DYNC1H1: variants seen among roughly 807,000 people sequenced by gnomAD.
DYNC1H1 encodes the protein dynein cytoplasmic 1 heavy chain 1.
Under a neutral mutation model 527.1 loss-of-function variants are expected in DYNC1H1, and 51 were observed. That is an observed-to-expected ratio of 0.10 (90% CI 0.08 to 0.12). The LOEUF (loss-of-function observed/expected upper bound fraction) is 0.12. DYNC1H1 is among the 10% of genes least tolerant of loss of function. DYNC1H1 has a pLI of 1.00. For missense variants in DYNC1H1, 2,771 were observed against 5,971.8 expected (o/e 0.46, Z 17.66); for synonymous variants, 2,189 against 2,278.8 (o/e 0.96, Z 1.12).
rs2047640406 is a variant in DYNC1H1 at position 101,964,616 on chromosome 14, T to C, written c.-76T>C. On this transcript the variant is annotated 5_prime_UTR_variant, in exon 1 of 78. Transcript: ENST00000360184. The surrounding 1 kb of genome is among the most constrained non-coding windows in gnomAD (Gnocchi z 5.5). ...GGACGGTCCGGCTTCCGGCGGCCGT[T>C]TCTGTCTCTTGCTGGCTGTCTCGCT... 6.8e-7 allele frequency: 1 copy of C among 1,479,196 alleles called. No individual in the cohort carries two copies. The highest frequency in any genetic ancestry group is 2.7e-5 in the East Asian group (1 of 36,708). The allele number at this position is 1,479,196 out of a possible 1,614,324, so 91.6% of individuals were successfully genotyped here.
Position 101,995,087 on chromosome 14 carries a change from G to T in DYNC1H1, c.3435G>T (p.Gln1145His), listed in dbSNP as rs752596293. 1.9e-6 allele frequency: 3 copies of T among 1,614,062 alleles called. No individual in the cohort carries two copies. Among genetic ancestry groups the T allele is most frequent in the Non-Finnish European group, 1.7e-6 (2 of 1,180,048 alleles). ...CAAACATGACGGAATTCCATTCCCAGATCTCAAAGGTGAGGACATAGGATT... is the reference window on the plus strand; with the variant it reads ...CAAACATGACGGAATTCCATTCCCATATCTCAAAGGTGAGGACATAGGATT... ...LGSNMTEFHSQISKSRQELEQ... is the reference protein window; with the variant it reads ...LGSNMTEFHSHISKSRQELEQ... The change falls in exon 14 of 78, where the codon CAG becomes CAT. Residue 1145 changes from glutamine (Q) to histidine (H), a missense_variant. Gln to His is a conservative substitution (Grantham distance 24). Around this residue, in one of 32 missense-constraint regions of DYNC1H1, gnomAD observed 223 missense variants for 462.5 expected, o/e 0.48. Transcript: ENST00000360184.
At chr14:101,984,972 G>T (rs2047917592) in intron 7 of DYNC1H1, among the ~76,000 whole-genome samples, 2 of 150,440 alleles carry the variant, frequency 1.3e-5, no homozygotes, top group Admixed American at 1.3e-4. Flanking sequence ...AAGAAATAGG[G>T]TTTCACCATG....
chr14:102,016,571 T>C lies in DYNC1H1; in HGVS notation c.7614+82T>C, dbSNP rs2152582482. The C allele has an allele frequency of 1.2e-6, 2 of 1,611,442 alleles. No individual in the cohort carries two copies. The highest frequency in any genetic ancestry group is 4.5e-5 in the East Asian group (2 of 44,890). On this transcript the variant is annotated intron_variant, in intron 37 of 77. Transcript: ENST00000360184. This position sits in a 1 kb window ranked among gnomAD's most constrained non-coding sequence, Gnocchi z 7.3. ...CCTGGAACAAGCTGACCATGGACCT[T>C]GGCTTCGTCTTTTCATTTTATTCCA...
intron 34 of DYNC1H1, among the ~76,000 whole-genome samples, chr14:102,014,555 C>T (rs1374322688): frequency 2.6e-5 from 4 of 151,062 alleles, no homozygotes; most frequent in East Asian, 3.9e-4. Flanking sequence ...ACACCAGAGA[C>T]GACAGCGTGC....
At chr14:102,022,980 A>T (rs2048403915) in intron 43 of DYNC1H1, 100 bp downstream of exon 43, 2 of 1,568,316 alleles carry the variant, frequency 1.3e-6, no homozygotes, top group Non-Finnish European at 1.7e-6. Flanking sequence ...AAATATCTTT[A>T]GGCTGGGTAT....
Position 102,003,266 on chromosome 14 carries a change from C to CTT in DYNC1H1, c.4883+314_4883+315dup, listed in dbSNP as rs71468380. On this transcript the variant is annotated intron_variant, in intron 23 of 77. Transcript: ENST00000360184. ...TTCAGTGTTTATCTCTGGCAGTTTT[C>CTT]TTTTTTTTTTTTTTGAGATGGAGTC... Among the ~76,000 whole-genome samples the CTT allele has an allele frequency of 6.2e-3, 882 of 141,354 alleles. 19 individuals carry two copies. The highest frequency in any genetic ancestry group is 0.021 in the African/African-American group (790 of 38,158). The allele number at this position is 141,354 out of a possible 152,430, so 92.7% of individuals were successfully genotyped here.
rs79105841 is a variant in DYNC1H1, at chr14:101,972,032, C to T, written c.257-3680C>T. Among the ~76,000 whole-genome samples the T allele has an allele frequency of 5.5e-3, 836 of 152,200 alleles. 17 individuals are homozygous for T. Among genetic ancestry groups the T allele is most frequent in the East Asian group, 0.037 (190 of 5,180 alleles). The stretch of plus-strand genomic sequence containing the variant: ...TTGGTCTGTTACATTTTAACAGTAA[C>T]TTTGTATTAACTAGTAACTTTGCCA... On this transcript the variant is annotated intron_variant, in intron 1 of 77. Coordinates refer to ENST00000360184, the MANE Select transcript of DYNC1H1 (RefSeq NM_001376.5).
chr14:102,005,315 T>A lies in DYNC1H1; in HGVS notation c.5433+79T>A. The A allele has an allele frequency of 6.3e-7, 1 of 1,582,844 alleles. No individual in the cohort carries two copies. Among genetic ancestry groups the A allele is most frequent in the South Asian group, 1.1e-5 (1 of 90,052 alleles). The stretch of plus-strand genomic sequence containing the variant: ...CACACAGTTAAATGGAAATCATGCT[T>A]GAAAAAGGTTTCAGGTAGTATCAAG... On this transcript the variant is annotated intron_variant, in intron 26 of 77. Transcript: ENST00000360184. This position sits in a 1 kb window ranked among gnomAD's most constrained non-coding sequence, Gnocchi z 4.0.
rs2048624997 is a variant in DYNC1H1, at chr14:102,039,873, T to TA, written c.11690+141_11690+142insA. ...TATTTTTTGAGACGGAGTCTCCCTT[T>TA]GTTGCCTAGGCTGGAGTGCCGTGGT... On this transcript the variant is annotated intron_variant, in intron 62 of 77. Coordinates refer to ENST00000360184, the MANE Select transcript of DYNC1H1 (RefSeq NM_001376.5). The surrounding 1 kb of genome is among the most constrained non-coding windows in gnomAD (Gnocchi z 7.0). 7.0e-6 allele frequency: 8 copies of TA among 1,148,124 alleles called. No individual in the cohort carries two copies. The highest frequency in any genetic ancestry group is 9.9e-6 in the Non-Finnish European group (8 of 804,882). 71.1% of individuals were successfully genotyped at this position (1,148,124 alleles called of 1,614,324 possible). A position where few individuals can be genotyped will look rare whatever the true frequency, so the allele number is the denominator to read the frequency against.
chr14:102,022,892 G>T lies in DYNC1H1; in HGVS notation c.8637+12G>T, dbSNP rs17512551. 2.5e-6 allele frequency: 4 copies of T among 1,614,112 alleles called. No individual in the cohort carries two copies. The highest frequency in any genetic ancestry group is 3.4e-6 in the Non-Finnish European group (4 of 1,179,994). ...ACTGGCTGTCAAAGGTAGCAAACTC[G>T]CATCATTTCAGACATACTTCTTTTT... On this transcript the variant is annotated intron_variant, in intron 43 of 77. Coordinates refer to ENST00000360184, the MANE Select transcript of DYNC1H1 (RefSeq NM_001376.5).
In DYNC1H1 at chr14:101,985,695, A is replaced by C; in HGVS notation, c.1470A>C (p.Ala490=). 1 of 1,614,184 alleles carries C rather than the reference A, an allele frequency of 6.2e-7. No individual in the cohort carries two copies. The highest frequency in any genetic ancestry group is 8.5e-7 in the Non-Finnish European group (1 of 1,180,026). Reference sequence around the variant, plus strand: ...ATATCTTTCTCCTTTAGGTCACGGCAGTTGCACAACAGAATCAAGGAGAGG... The same window carrying C: ...ATATCTTTCTCCTTTAGGTCACGGCCGTTGCACAACAGAATCAAGGAGAGG... ...IVRVLRPQVT[A]VAQQNQGEVP... The change falls in exon 8 of 78, where the codon GCA becomes GCC. Residue 490 remains alanine, a synonymous_variant. Transcript: ENST00000360184. This position sits in a 1 kb window ranked among gnomAD's most constrained non-coding sequence, Gnocchi z 5.9.
rs991163090 is a variant in DYNC1H1, at chr14:102,048,945, T to C, written c.13372+276T>C. 2.0e-5 allele frequency: 10 copies of C among 488,744 alleles called. No homozygotes were observed. In the Admixed American group the frequency reaches 2.3e-4, roughly 11 times the overall value. 30.3% of individuals were successfully genotyped at this position (488,744 alleles called of 1,614,324 possible). Reference sequence around the variant, plus strand: ...AGGGGTCTTCCAAGACGACAGTGAATGGGGAATGTGGTGGTCCAGGATGGT... The same window carrying C: ...AGGGGTCTTCCAAGACGACAGTGAACGGGGAATGTGGTGGTCCAGGATGGT... On this transcript the variant is annotated intron_variant, in intron 74 of 77. Coordinates refer to ENST00000360184, the MANE Select transcript of DYNC1H1 (RefSeq NM_001376.5).
intron 64 of DYNC1H1, chr14:102,040,995 A>G (rs945989732): frequency 4.6e-5 from 20 of 436,234 alleles, no homozygotes; most frequent in Non-Finnish European, 8.5e-5. Context: ...AAGTATTTCA[A>G]TGTTAAAACT....
chr14:102,038,444 C>T lies in DYNC1H1; in HGVS notation c.10909-16C>T. 1 of 1,613,628 alleles carries T rather than the reference C, an allele frequency of 6.2e-7. No individual in the cohort carries two copies. The highest frequency in any genetic ancestry group is 8.5e-7 in the Non-Finnish European group (1 of 1,180,032). On this transcript the variant is annotated splice_polypyrimidine_tract_variant and intron_variant, in intron 57 of 77. Transcript: ENST00000360184. This position sits in a 1 kb window ranked among gnomAD's most constrained non-coding sequence, Gnocchi z 7.2. ...ACAAAGCCCTGACCATCAAGTTCCA[C>T]CCGTGTGGAATGCAGGATGTGGAAA...
chr14:102,043,853 G>A, intron 69 of DYNC1H1, 22 bp from the exon 70 acceptor site: 1 of 1,614,156 alleles, frequency 6.2e-7, no homozygotes, highest in East Asian at 2.2e-5. Context: ...ATGACTCTGT[G>A]CTTGGTCACT....
Position 101,979,674 on chromosome 14 carries a change from A to G in DYNC1H1, c.519-45A>G. The G allele has an allele frequency of 1.2e-6, 2 of 1,612,984 alleles. No individual in the cohort carries two copies. The highest frequency in any genetic ancestry group is 1.7e-6 in the Non-Finnish European group (2 of 1,179,970). On this transcript the variant is annotated intron_variant, in intron 3 of 77. Transcript: ENST00000360184. The surrounding 1 kb of genome is among the most constrained non-coding windows in gnomAD (Gnocchi z 4.6). ...ACCTGAAATGATGGGATCTCTTTGG[A>G]GACCAATAGCACACTAAATGTTGAG...
intron 2 of DYNC1H1, among the ~76,000 whole-genome samples, chr14:101,976,021 C>A (rs1057282229): frequency 6.6e-6 from 1 of 151,420 alleles, no homozygotes; most frequent in African/African-American, 2.4e-5. Context: ...AATTCTCCTG[C>A]CTCAGCCTTC....
chr14:102,040,980 A>G, intron 64 of DYNC1H1: 1 of 468,774 alleles, frequency 2.1e-6, no homozygotes, highest in South Asian at 2.1e-5. Flanking sequence ...ACTGATTCCC[A>G]AGATAAGTAT....
chr14:101,992,486 AT>A (rs2048008675), intron 11 of DYNC1H1, among the ~76,000 whole-genome samples: 1 of 152,084 alleles, frequency 6.6e-6, no homozygotes, highest in Non-Finnish European at 1.5e-5. Flanking sequence ...CCGTGTTTCT[AT>A]TTGCATTGTT....
Sources: allele counts gnomAD v4.1 joint callset (sites outside exome capture counted in the v4.1 genomes callset), GRCh38; gene constraint gnomAD v4.1.1; regional missense constraint gnomAD v4.1.1; non-coding constraint Gnocchi (gnomAD v3.1); transcripts MANE v1.5; gene names NCBI Gene and HGNC (gene_info 2026-07-23, HGNC 2026-07-21).